Variants in GLIS3 observed in about 807,000 individuals in gnomAD.
GLIS3 encodes zinc finger protein GLIS3.
In GLIS3, 53 loss-of-function variants were observed where a neutral mutation model predicts 78.6. That is an observed-to-expected ratio of 0.67 (90% CI 0.54 to 0.85). The LOEUF (loss-of-function observed/expected upper bound fraction) is 0.85. Among genes scored for constraint, GLIS3 ranks in the 40% least tolerant of loss-of-function variants. GLIS3 has a pLI of 0.00. For missense variants in GLIS3, 1,703 were observed against 1,231.1 expected (o/e 1.38, Z -5.74); for synonymous variants, 684 against 509.9 (o/e 1.34, Z -4.60).
At chr9:4,090,902 T>A (rs1829442335) in intron 4 of GLIS3, among the ~76,000 whole-genome samples, 3 of 152,212 alleles carry the variant, frequency 2.0e-5, no homozygotes, top group Admixed American at 2.0e-4. Context: ...TCGTTACAAC[T>A]GCAGGTTCTA....
At chr9:4,465,834 G>A in the GLIS3 span, among the ~76,000 whole-genome samples, 3 of 152,248 alleles carry the variant, frequency 2.0e-5, no homozygotes, top group African/African-American at 7.2e-5. Context: ...TAGTGCTCCT[G>A]CTAAGAACAA....
At chr9:3,916,361 C>A (rs1337161882) in intron 6 of GLIS3, among the ~76,000 whole-genome samples, 4 of 152,238 alleles carry the variant, frequency 2.6e-5, no homozygotes, top group African/African-American at 9.6e-5. Context: ...CTTGATTTCT[C>A]ATGTCATTAC....
chr9:4,015,516 G>C (rs953998143), intron 4 of GLIS3, among the ~76,000 whole-genome samples: 4 of 152,172 alleles, frequency 2.6e-5, no homozygotes, highest in African/African-American at 9.7e-5. Flanking sequence ...ATGAAGCTGA[G>C]AACACCCTCT....
chr9:4,283,289 A>T (rs1387231083), intron 2 of GLIS3, among the ~76,000 whole-genome samples: 1 of 143,920 alleles, frequency 6.9e-6, no homozygotes. Context: ...TTTTTGAGAT[A>T]GAGTCTTGCT....
chr9:3,843,757 G>A (rs994798043), intron 9 of GLIS3, among the ~76,000 whole-genome samples: 7 of 152,186 alleles, frequency 4.6e-5, no homozygotes. Context: ...AGAACCTTGG[G>A]TAATTATTTG....
intron 4 of GLIS3, chr9:4,305,587 C>G (rs1445434114): frequency 6.6e-6 from 1 of 152,188 alleles, no homozygotes; most frequent in African/African-American, 2.4e-5. Context: ...CTAAGTCAAT[C>G]CGTGCAAGAC....
At chr9:4,066,164 A>G (rs1827081743) in intron 4 of GLIS3, among the ~76,000 whole-genome samples, 2 of 152,222 alleles carry the variant, frequency 1.3e-5, no homozygotes, top group Non-Finnish European at 2.9e-5. Flanking sequence ...TATTTAATAA[A>G]AGAGCAAACA....
chr9:3,962,709 G>A (rs1177939967), intron 4 of GLIS3, among the ~76,000 whole-genome samples: 1 of 152,114 alleles, frequency 6.6e-6, no homozygotes. Flanking sequence ...AGAAAGGGGG[G>A]AATGTGAAGT....
At position 4,286,141 on chromosome 9, in the gene GLIS3, C is replaced by T. The variant is rs774293389; in HGVS notation, c.285G>A (p.Lys95=). 2.5e-6 allele frequency: 4 copies of T among 1,613,738 alleles called. No individual in the cohort carries two copies. In the African/African-American group the frequency reaches 4.0e-5, roughly 16 times the overall value. The change falls in exon 2 of 11, where the codon AAG becomes AAA. Residue 95 remains lysine (K), a synonymous_variant. Coordinates refer to ENST00000381971, the MANE Select transcript of GLIS3 (RefSeq NM_001042413.2). ...CAGCCTGGGTGACCTGGAATCGCGG[C>T]TTCCCATTGGTGAGCATTTGTCTCC... ...SPRRQMLTNG[K]PRFQVTQAGG... is the part of the protein sequence containing the mutation.
In GLIS3 at chr9:4,277,728, G is replaced by A. The variant is rs372123312; in HGVS notation, c.388+8310C>T. ...AATCTTCCCAATTATATATTCCTCC[G>A]GGTACTACAAATGTAAAATTGTCTT... On this transcript the variant is annotated intron_variant, in intron 2 of 10. Transcript: ENST00000381971. 9.4e-4 allele frequency among the ~76,000 whole-genome samples: 143 copies of A among 152,188 alleles called. 1 individual carries two copies. The highest frequency in any genetic ancestry group is 3.4e-3 in the Middle Eastern group (1 of 294).
intron 2 of GLIS3, among the ~76,000 whole-genome samples, chr9:4,243,159 T>C (rs1248343725): frequency 1.3e-5 from 2 of 152,140 alleles, no homozygotes; most frequent in African/African-American, 4.8e-5. Context: ...GACACCTTAA[T>C]CCGATTTTGG....
At chr9:4,303,213 A>G (rs57479634), upstream of GLIS3, among the ~76,000 whole-genome samples, 19,297 of 152,038 alleles carry the variant, frequency 0.13, 2,207 homozygotes, top group African/African-American at 0.31. Context: ...ACCCCAAAAT[A>G]CAGATAAGTT....
At position 4,311,048 on chromosome 9, in the gene GLIS3, G is replaced by C. The variant is rs144068668; in HGVS notation, n.265-520C>G. On this transcript the variant is annotated intron_variant and non_coding_transcript_variant, in intron 2 of 4. Transcript: ENST00000471664. The stretch of plus-strand genomic sequence containing the variant: ...TTCTAAGGATGGGGACTTTATAGAA[G>C]TGCCTAATCCGAAAGCCAGAGTGTC... Among the ~76,000 whole-genome samples the C allele has an allele frequency of 9.4e-3, 1,439 of 152,340 alleles. 27 individuals carry two copies. The highest frequency in any genetic ancestry group is 0.033 in the African/African-American group (1,354 of 41,588).
chr9:4,260,441 C>A (rs1018002197), intron 2 of GLIS3, among the ~76,000 whole-genome samples: 1 of 152,000 alleles, frequency 6.6e-6, no homozygotes, highest in Admixed American at 6.6e-5. Context: ...GTGGCAGGTG[C>A]CTGTAATCCC....
At chr9:3,885,084 G>A (rs1821983305) in intron 7 of GLIS3, among the ~76,000 whole-genome samples, 1 of 152,178 alleles carries the variant, frequency 6.6e-6, no homozygotes, top group African/African-American at 2.4e-5. Context: ...TTCCAGCTCT[G>A]AAAATTACTT....
chr9:4,012,226 G>A (rs1312670183), intron 4 of GLIS3, among the ~76,000 whole-genome samples: 1 of 152,162 alleles, frequency 6.6e-6, no homozygotes, highest in East Asian at 1.9e-4. Flanking sequence ...TAGCTCAGAT[G>A]TCTCTACAGC....
intron 3 of GLIS3, chr9:4,123,822 CTTTT>C (rs1319072194): frequency 5.0e-6 from 2 of 398,264 alleles, no homozygotes; most frequent in South Asian, 2.5e-4. Flanking sequence ...GTGCTTGGTA[CTTTT>C]CCATGTTTTC....
the GLIS3 span, among the ~76,000 whole-genome samples, chr9:4,372,169 G>A: frequency 1.3e-5 from 2 of 152,208 alleles, no homozygotes; most frequent in Non-Finnish European, 2.9e-5. Flanking sequence ...AAGAATTCCA[G>A]ATGAAGAAAG....
intron 6 of GLIS3, 36 bp from the exon 7 acceptor site, chr9:3,898,871 G>A (rs754549738): frequency 3.7e-5 from 59 of 1,612,806 alleles, no homozygotes; most frequent in South Asian, 9.9e-5. Context: ...TCGATAAGGA[G>A]AGCCGGTCCT....
Sources: allele counts gnomAD v4.1 joint callset (sites outside exome capture counted in the v4.1 genomes callset), GRCh38; gene constraint gnomAD v4.1.1; transcripts MANE v1.5; gene names NCBI Gene and HGNC (gene_info 2026-07-23, HGNC 2026-07-21).